TLE6: variants seen among roughly 807,000 people sequenced by gnomAD.
TLE6 encodes transducin-like enhancer protein 6.
TLE6 carries 72 observed loss-of-function variants against 77.1 expected under a neutral mutation model. The observed-to-expected ratio is 0.93, with a 90% CI of 0.77 to 1.14. The LOEUF is 1.14. TLE6 is among the 50% of genes most tolerant of loss of function. TLE6 has a pLI of 0.00. For synonymous variants in TLE6, 366 were observed against 287.3 expected (o/e 1.27, Z -2.77); for missense variants, 843 against 747.6 (o/e 1.13, Z -1.49).
Position 2,989,286 on chromosome 19 carries a change from G to T in TLE6, c.966G>T (p.Arg322Ser). The T allele has an allele frequency of 1.2e-6, 2 of 1,613,242 alleles. No homozygotes were observed. The highest frequency in any genetic ancestry group is 1.7e-6 in the Non-Finnish European group (2 of 1,180,006). Residue 322 changes from arginine (R) to serine (S), a missense_variant, in exon 12 of 17, where the codon AGG (arginine) becomes AGT (serine). By Grantham distance (110) the Arg-to-Ser change is moderately radical. Transcript: ENST00000246112. ...WSLTGQVAED[R>S]FPESHLPIQT... ...TGACTGGACAGGTGGCTGAGGACAG[G>T]TTCCCTGAGAGCCACCTGCCTATAC...
Position 2,987,357 on chromosome 19 carries a change from G to A in TLE6, c.543G>A (p.Gln181=), listed in dbSNP as rs760983446. ...TCCTCTCCGTTGTCATGGTGACAGA[G>A]CAGGCACCAGGCCTGGTGAGTAAAC... ...HDEKAKPRDR[Q]QAPGLGQESK... is the part of the protein sequence containing the mutation. Residue 181 remains glutamine (Q), a splice_region_variant and synonymous_variant, in exon 8 of 17, where the codon CAG becomes CAA. Coordinates refer to ENST00000246112, the MANE Select transcript of TLE6 (RefSeq NM_001143986.2). The A allele has an allele frequency of 6.2e-7, 1 of 1,614,106 alleles. No individual in the cohort carries two copies. Among genetic ancestry groups the A allele is most frequent in the South Asian group, 1.1e-5 (1 of 91,082 alleles).
chr19:2,987,430 C>A, intron 8 of TLE6, 58 bp downstream of exon 8: 1 of 1,609,954 alleles, frequency 6.2e-7, no homozygotes, highest in East Asian at 2.2e-5. Context: ...GGCGGTTGGG[C>A]TCCCCCAGGT....
At position 2,989,176 on chromosome 19, in the gene TLE6, G is replaced by T; in HGVS notation, c.856G>T (p.Gly286Trp). ...GGAAAAGATGCGGATCTTGGCACAC[G>T]GGGAGCTCGTGCTCGCCACGGCCAT... ...KLEKMRILAH[G>W]ELVLATAISS... The change falls in exon 12 of 17, where the codon GGG becomes TGG. Residue 286 changes from glycine to tryptophan, a missense_variant. Physicochemically the swap from Gly to Trp is radical, Grantham distance 184. Coordinates refer to ENST00000246112, the MANE Select transcript of TLE6 (RefSeq NM_001143986.2). 2.5e-6 allele frequency: 4 copies of T among 1,614,146 alleles called. No individual in the cohort carries two copies. Among genetic ancestry groups the T allele is most frequent in the Non-Finnish European group, 3.4e-6 (4 of 1,180,058 alleles).
chr19:2,977,497 G>C (rs1329242579), upstream of TLE6: 1 of 152,408 alleles, frequency 6.6e-6, no homozygotes, highest in Non-Finnish European at 1.5e-5. Context: ...TGGGCGGGAC[G>C]GGGCGGGGAC....
rs2089133537 is a variant in TLE6 at position 2,993,521 on chromosome 19, C to T, written c.1476C>T (p.Ser492=). ...AGTGGCTGCAAAGCACCAGCGGGAG[C>T]CAGCGGCACATGGTGGGGCAAAAAG... ...GQQWLQSTSG[S]QRHMVGQKDS... is the part of the protein sequence containing the mutation. Residue 492 remains serine, a synonymous_variant, in exon 15 of 17, where the codon AGC becomes AGT. Coordinates refer to ENST00000246112, the MANE Select transcript of TLE6 (RefSeq NM_001143986.2). 1 of 1,592,442 alleles carries T rather than the reference C, an allele frequency of 6.3e-7. No individual in the cohort carries two copies.
intron 3 of TLE6, chr19:2,980,500 C>T (rs1389334934): frequency 4.7e-5 from 9 of 192,896 alleles, no homozygotes; most frequent in Admixed American, 1.2e-4. Context: ...CTTTGGGAGG[C>T]GGAGGCGGGC....
chr19:2,987,887 C>CT lies in TLE6; in HGVS notation c.626-10dup, dbSNP rs2088951931. 2.5e-6 allele frequency: 4 copies of CT among 1,610,816 alleles called. No individual in the cohort carries two copies. In the East Asian group the frequency reaches 8.9e-5, roughly 36 times the overall value. Reference sequence around the variant, plus strand: ...ATGCAAGCCGCTTAGCCCCTCTTGTCTCCCCACTAGCCCCCAGGCCACCTG... The same window carrying CT: ...ATGCAAGCCGCTTAGCCCCTCTTGTCTTCCCCACTAGCCCCCAGGCCACCTG... On this transcript the variant is annotated splice_polypyrimidine_tract_variant and intron_variant, in intron 9 of 16. Coordinates refer to ENST00000246112, the MANE Select transcript of TLE6 (RefSeq NM_001143986.2).
Position 2,995,048 on chromosome 19 carries a change from C to T in TLE6, c.*44C>T, listed in dbSNP as rs765862899. 17 of 1,092,448 alleles carry T rather than the reference C, an allele frequency of 1.6e-5. No individual in the cohort carries two copies. The highest frequency in any genetic ancestry group is 2.7e-5 in the East Asian group (1 of 37,066). 67.7% of individuals were successfully genotyped at this position (1,092,448 alleles called of 1,614,324 possible). A position where few individuals can be genotyped will look rare whatever the true frequency, so the allele number is the denominator to read the frequency against. Reference sequence around the variant, plus strand: ...TCCCACTCCGGCTCCTCTTTTCATCCCCCCCCTTCCCCCCCCCCAACAAGG... The same window carrying T: ...TCCCACTCCGGCTCCTCTTTTCATCTCCCCCCTTCCCCCCCCCCAACAAGG... On this transcript the variant is annotated 3_prime_UTR_variant, in exon 17 of 17. Coordinates refer to ENST00000246112, the MANE Select transcript of TLE6 (RefSeq NM_001143986.2).
chr19:2,991,535 C>T (rs1422154017), intron 13 of TLE6, among the ~76,000 whole-genome samples: 1 of 151,338 alleles, frequency 6.6e-6, no homozygotes, highest in African/African-American at 2.4e-5. Flanking sequence ...CACTATTCCC[C>T]TTCCCTGCTT....
Position 2,991,961 on chromosome 19 carries a change from CT to C in TLE6, c.1364del (p.Leu455ArgfsTer9), listed in dbSNP as rs769836789. ...GGACCAGAGGACCATCATGAAACCT[CT>C]GGAGTACCAATTCAAGTCTCAGGTG... Reference protein sequence around the residue: ...CWDQRTIMKPLEYQFKSQIMS... With the variant: ...CWDQRTIMKPXEYQFKSQIMS... On this transcript the variant is annotated frameshift_variant, in exon 14 of 17. Transcript: ENST00000246112. LOFTEE classifies it high-confidence loss of function. 4.5e-5 allele frequency: 72 copies of C among 1,613,800 alleles called. No individual in the cohort carries two copies. The highest frequency in any genetic ancestry group is 1.7e-4 in the Middle Eastern group (1 of 6,042).
At chr19:2,992,649 C>A (rs2089096243) in intron 14 of TLE6, among the ~76,000 whole-genome samples, 1 of 151,400 alleles carries the variant, frequency 6.6e-6, no homozygotes, top group African/African-American at 2.4e-5. Flanking sequence ...GTGGCACGTA[C>A]CTGGGGTCGC....
At chr19:2,984,112 A>G (rs923145645) in intron 5 of TLE6, 2 of 152,342 alleles carry the variant, frequency 1.3e-5, no homozygotes, top group Non-Finnish European at 2.9e-5. Context: ...CAAAATCGCC[A>G]TCAGCACAGC....
In TLE6 at chr19:2,989,627, G is replaced by A; in HGVS notation, c.1086G>A (p.Trp362Ter). The A allele has an allele frequency of 1.2e-6, 2 of 1,614,156 alleles. No individual in the cohort carries two copies. The highest frequency in any genetic ancestry group is 2.2e-5 in the South Asian group (2 of 91,084). ...ACAACCTGGCCAGCGTGAGCGTGTGGGACCTGGCGGCGCCCTCCCTGCATG... is the reference window on the plus strand; with the variant it reads ...ACAACCTGGCCAGCGTGAGCGTGTGAGACCTGGCGGCGCCCTCCCTGCATG... ...GGYNLASVSV[W>*]DLAAPSLHVK... The change falls in exon 13 of 17, where the codon TGG (tryptophan) becomes TGA (stop). Residue 362 changes from tryptophan to a stop codon, truncating the protein, a stop_gained. Transcript: ENST00000246112. LOFTEE classifies it high-confidence loss of function.
chr19:2,991,641 G>A (rs916871896), intron 13 of TLE6, among the ~76,000 whole-genome samples: 17 of 150,256 alleles, frequency 1.1e-4, no homozygotes, highest in Non-Finnish European at 3.0e-5. Flanking sequence ...GGCCCAGGCG[G>A]ACGGAGAAGG....
chr19:2,985,350 G>A (rs1174438868), intron 5 of TLE6, among the ~76,000 whole-genome samples: 2 of 148,232 alleles, frequency 1.3e-5, no homozygotes, highest in South Asian at 2.1e-4. Context: ...AAATTAAAAC[G>A]TCTTCCTCAC....
Position 2,993,422 on chromosome 19 carries a change from C to T in TLE6, c.1387-10C>T. The T allele has an allele frequency of 2.5e-6, 4 of 1,599,330 alleles. No homozygotes were observed. The highest frequency in any genetic ancestry group is 3.4e-6 in the Non-Finnish European group (4 of 1,169,028). On this transcript the variant is annotated splice_polypyrimidine_tract_variant and intron_variant, in intron 14 of 16. Coordinates refer to ENST00000246112, the MANE Select transcript of TLE6 (RefSeq NM_001143986.2). ...ACCAGGTTCCTCCCTCCCCACTGCC[C>T]ATTACCTAGATAATGAGCCTGTCCC...
chr19:2,987,431 T>A, intron 8 of TLE6, 59 bp downstream of exon 8: 1 of 1,609,270 alleles, frequency 6.2e-7, no homozygotes, highest in South Asian at 1.1e-5. Flanking sequence ...GCGGTTGGGC[T>A]CCCCCAGGTC....
rs775874588 is a variant in TLE6 at position 2,987,885 on chromosome 19, G to C, written c.626-13G>C. ...CAATGCAAGCCGCTTAGCCCCTCTT[G>C]TCTCCCCACTAGCCCCCAGGCCACC... On this transcript the variant is annotated splice_polypyrimidine_tract_variant and intron_variant, in intron 9 of 16. Coordinates refer to ENST00000246112, the MANE Select transcript of TLE6 (RefSeq NM_001143986.2). 61 of 1,611,302 alleles carry C rather than the reference G, an allele frequency of 3.8e-5. 1 individual carries two copies. In the South Asian group the frequency reaches 6.4e-4, roughly 17 times the overall value.
At position 2,987,797 on chromosome 19, in the gene TLE6, C is replaced by T; in HGVS notation, c.625+7C>T. 1 of 1,614,158 alleles carries T rather than the reference C, an allele frequency of 6.2e-7. No individual in the cohort carries two copies. Among genetic ancestry groups the T allele is most frequent in the South Asian group, 1.1e-5 (1 of 91,082 alleles). On this transcript the variant is annotated splice_region_variant and intron_variant, in intron 9 of 16. Transcript: ENST00000246112. ...TGTCCTGAAGATGCCTCCAGTAATC[C>T]CAGCGGGCAGGGGCCGACCGACTCC...
Sources: gnomAD v4.1 joint callset for allele counts (sites outside exome capture counted in the v4.1 genomes callset) on GRCh38, gnomAD v4.1.1 for gene constraint, MANE v1.5 for transcripts, NCBI Gene and HGNC (gene_info 2026-07-23, HGNC 2026-07-21) for gene names.